Variants in STK3 observed in about 807,000 individuals in gnomAD.
STK3 encodes the protein serine/threonine kinase 3.
In STK3, 41 loss-of-function variants were observed where a neutral mutation model predicts 58.0. That is an observed-to-expected ratio of 0.71 (90% CI 0.55 to 0.92). The LOEUF is 0.92. Ranked by LOEUF, STK3 falls within the 40% of genes least tolerant of loss-of-function variation. The pLI, the probability that STK3 is intolerant of heterozygous loss-of-function variation, is 0.00. For missense variants in STK3, 479 were observed against 602.7 expected (o/e 0.79, Z 2.15); for synonymous variants, 170 against 191.0 (o/e 0.89, Z 0.91).
chr8:98,558,957 A>G (rs910397093), intron 8 of STK3, among the ~76,000 whole-genome samples: 1 of 152,122 alleles, frequency 6.6e-6, no homozygotes, highest in African/African-American at 2.4e-5. Context: ...ATTGATTTTA[A>G]CATACAGTTT....
chr8:98,650,639 T>C (rs979353821), intron 6 of STK3, among the ~76,000 whole-genome samples: 4 of 152,214 alleles, frequency 2.6e-5, no homozygotes, highest in African/African-American at 9.6e-5. Flanking sequence ...CCCACCCTAA[T>C]ACTGTGCTTT....
chr8:98,787,003 T>C (rs1297635182), intron 1 of STK3, among the ~76,000 whole-genome samples: 1 of 151,588 alleles, frequency 6.6e-6, no homozygotes, highest in African/African-American at 2.4e-5. Flanking sequence ...ACCCCGTCTC[T>C]ACTAAAAATA....
chr8:98,457,166 C>T (rs1042034374), intron 10 of STK3, among the ~76,000 whole-genome samples: 2 of 152,130 alleles, frequency 1.3e-5, no homozygotes, highest in African/African-American at 4.8e-5. Context: ...ATGAAAGAAC[C>T]TAGCTTTTAA....
chr8:98,636,391 A>G (rs1335418326), intron 6 of STK3, among the ~76,000 whole-genome samples: 2 of 152,136 alleles, frequency 1.3e-5, no homozygotes, highest in South Asian at 2.1e-4. Flanking sequence ...TCATTTTTAC[A>G]CTTATTTAAC....
chr8:98,400,573 C>T (rs1163596191), downstream of STK3, among the ~76,000 whole-genome samples: 1 of 152,224 alleles, frequency 6.6e-6, no homozygotes, highest in African/African-American at 2.4e-5. Flanking sequence ...TCTCCTGTTC[C>T]ATTTCCAGCA....
At chr8:98,570,860 G>A (rs1336155594) in intron 8 of STK3, among the ~76,000 whole-genome samples, 1 of 152,154 alleles carries the variant, frequency 6.6e-6, no homozygotes, top group Non-Finnish European at 1.5e-5. Context: ...TAAGTAACCT[G>A]CCCAAAGACA....
At chr8:98,713,586 G>C (rs1178434853) in intron 4 of STK3, among the ~76,000 whole-genome samples, 4 of 152,086 alleles carry the variant, frequency 2.6e-5, no homozygotes, top group Non-Finnish European at 5.9e-5. Flanking sequence ...GGAAGAAGTT[G>C]AATCTCTGAA....
At chr8:98,497,070 C>A (rs1335436221) in intron 10 of STK3, among the ~76,000 whole-genome samples, 1 of 151,960 alleles carries the variant, frequency 6.6e-6, no homozygotes, top group Admixed American at 6.6e-5. Flanking sequence ...CTACAGCAAT[C>A]AAGACAGTGT....
intron 7 of STK3, among the ~76,000 whole-genome samples, chr8:98,587,750 T>A (rs1168436531): frequency 5.9e-5 from 9 of 152,190 alleles, no homozygotes; most frequent in South Asian, 2.1e-4. Flanking sequence ...TTTGTAGGTC[T>A]CTAAGGACTT....
intron 1 of STK3, among the ~76,000 whole-genome samples, chr8:98,382,598 T>C (rs1817748403): frequency 6.6e-6 from 1 of 152,024 alleles, no homozygotes; most frequent in East Asian, 1.9e-4. Context: ...GCTCTCAGAC[T>C]TGAGAGACCT....
At chr8:98,745,638 T>C (rs1004141314) in intron 4 of STK3, among the ~76,000 whole-genome samples, 1 of 151,966 alleles carries the variant, frequency 6.6e-6, no homozygotes, top group Non-Finnish European at 1.5e-5. Context: ...CTATCAATTA[T>C]GGAACAGAGG....
the STK3 span, among the ~76,000 whole-genome samples, chr8:98,351,669 C>T: frequency 2.0e-5 from 3 of 152,148 alleles, no homozygotes; most frequent in Admixed American, 2.0e-4. Flanking sequence ...CCCCCACCTC[C>T]ATTCACTGAA....
intron 4 of STK3, among the ~76,000 whole-genome samples, chr8:98,718,514 A>G (rs1827184817): frequency 6.6e-6 from 1 of 152,218 alleles, no homozygotes; most frequent in African/African-American, 2.4e-5. Context: ...AAGCTGCACC[A>G]TCCAACAGAG....
chr8:98,403,516 GAA>G (rs1287882347), intron 3 of STK3, among the ~76,000 whole-genome samples: 1 of 152,190 alleles, frequency 6.6e-6, no homozygotes, highest in Non-Finnish European at 1.5e-5. Flanking sequence ...AGAGGCAGTG[GAA>G]AATACATGTC....
the STK3 span, among the ~76,000 whole-genome samples, chr8:98,357,964 C>G: frequency 6.6e-6 from 1 of 152,140 alleles, no homozygotes; most frequent in Non-Finnish European, 1.5e-5. Flanking sequence ...AGGACCCATG[C>G]CCAGGGTCCT....
At chr8:98,764,753 CA>C (rs1830838315) in intron 3 of STK3, among the ~76,000 whole-genome samples, 1 of 152,148 alleles carries the variant, frequency 6.6e-6, no homozygotes, top group African/African-American at 2.4e-5. Flanking sequence ...GAGTAAAATA[CA>C]ATCCCCGAAC....
intron 4 of STK3, among the ~76,000 whole-genome samples, chr8:98,731,135 C>T (rs1828167246): frequency 6.6e-6 from 1 of 152,060 alleles, no homozygotes; most frequent in African/African-American, 2.4e-5. Flanking sequence ...ATATAAGGCA[C>T]AAGTGAGTAC....
At chr8:98,762,529 C>T (rs1047343218) in intron 3 of STK3, among the ~76,000 whole-genome samples, 2 of 152,354 alleles carry the variant, frequency 1.3e-5, no homozygotes, top group African/African-American at 2.4e-5. Context: ...GCTGGGATTA[C>T]AGGCGTGAGC....
chr8:98,814,861 T>C (rs2131698003), intron 1 of STK3, among the ~76,000 whole-genome samples: 1 of 152,198 alleles, frequency 6.6e-6, no homozygotes, highest in Non-Finnish European at 1.5e-5. Flanking sequence ...TTGTATTTTT[T>C]TGTAGAAACC....
Sources: allele counts gnomAD v4.1 joint callset (sites outside exome capture counted in the v4.1 genomes callset), GRCh38; gene constraint gnomAD v4.1.1; transcripts MANE v1.5; gene names NCBI Gene and HGNC (gene_info 2026-07-23, HGNC 2026-07-21).